MARCHF1: variants seen among roughly 807,000 people sequenced by gnomAD.
MARCHF1 encodes the protein membrane associated ring-CH-type finger 1, also known as E3 ubiquitin-protein ligase MARCHF1.
Under a neutral mutation model 54.2 loss-of-function variants are expected in MARCHF1, and 40 were observed. The ratio of observed to expected loss-of-function variants is 0.74; its 90% CI spans 0.57 to 0.96. MARCHF1 has a LOEUF of 0.96. Among genes scored for constraint, MARCHF1 ranks in the 40% least tolerant of loss-of-function variants. The pLI is 0.00. For synonymous variants in MARCHF1, 236 were observed against 236.3 expected (o/e 1.00, Z 0.01); for missense variants, 586 against 656.5 (o/e 0.89, Z 1.17).
chr4:164,241,285 T>C (rs1345971037), intron 1 of MARCHF1, among the ~76,000 whole-genome samples: 1 of 152,088 alleles, frequency 6.6e-6, no homozygotes. Flanking sequence ...CTCAGAACTC[T>C]TGAGGAAGGG....
At chr4:164,180,939 A>G (rs1730817709) in intron 1 of MARCHF1, among the ~76,000 whole-genome samples, 1 of 152,150 alleles carries the variant, frequency 6.6e-6, no homozygotes, top group Admixed American at 6.6e-5. Context: ...CATTCTAGAC[A>G]ACATTTACCT....
At chr4:163,990,084 C>A (rs1391210406) in intron 2 of MARCHF1, among the ~76,000 whole-genome samples, 1 of 152,176 alleles carries the variant, frequency 6.6e-6, no homozygotes, top group African/African-American at 2.4e-5. Flanking sequence ...ATCTGTACTG[C>A]TGTTGGCAAT....
At chr4:164,255,756 T>TAA (rs1291746520) in intron 1 of MARCHF1, among the ~76,000 whole-genome samples, 1 of 151,942 alleles carries the variant, frequency 6.6e-6, no homozygotes, top group Non-Finnish European at 1.5e-5. Flanking sequence ...CTAAAATATA[T>TAA]AAAGAAAAAG....
At position 163,552,749 on chromosome 4, in the gene MARCHF1, G is replaced by A. The variant is rs575984904; in HGVS notation, c.1192-7006C>T. On this transcript the variant is annotated intron_variant, in intron 8 of 9. Transcript: ENST00000514618. ...ACAAGTGTTTAAGAATGAGGGCTCTGGGGGCCTGGAGCGGTGGCTCAGGCC... is the reference window on the plus strand; with the variant it reads ...ACAAGTGTTTAAGAATGAGGGCTCTAGGGGCCTGGAGCGGTGGCTCAGGCC... Among the ~76,000 whole-genome samples, 3 of 152,230 alleles carry A rather than the reference G, an allele frequency of 2.0e-5. No individual in the cohort carries two copies. In the South Asian group the frequency reaches 6.2e-4, roughly 32 times the overall value.
chr4:164,237,698 C>A (rs1178672509), intron 1 of MARCHF1, among the ~76,000 whole-genome samples: 1 of 151,944 alleles, frequency 6.6e-6, no homozygotes, highest in African/African-American at 2.4e-5. Flanking sequence ...TCTTTCTGCA[C>A]TTAAACGATC....
chr4:163,679,835 C>T (rs890020471), intron 5 of MARCHF1, among the ~76,000 whole-genome samples: 4 of 151,836 alleles, frequency 2.6e-5, no homozygotes, highest in African/African-American at 9.7e-5. Flanking sequence ...CTCCTGACCT[C>T]GTGATCCGCC....
intron 1 of MARCHF1, chr4:164,197,678 G>T (rs1233255479): frequency 1.9e-6 from 3 of 1,612,336 alleles, no homozygotes; most frequent in African/African-American, 1.3e-5. Context: ...GCCCTGTTCC[G>T]CAGCTCTGAA....
rs374343085 is a variant in MARCHF1, at chr4:164,197,238, G to T, written c.-322-85576C>A. On this transcript the variant is annotated intron_variant, in intron 1 of 9. Coordinates refer to ENST00000514618, the MANE Select transcript of MARCHF1 (RefSeq NM_001394959.1). ...CCTCGTCATCCAGGCCCTCCACGTGGTCCTCAATATCTGAGTAAGGGGCCT... is the reference window on the plus strand; with the variant it reads ...CCTCGTCATCCAGGCCCTCCACGTGTTCCTCAATATCTGAGTAAGGGGCCT... The T allele has an allele frequency of 8.1e-6, 13 of 1,610,514 alleles. 1 individual carries two copies. In the South Asian group the frequency reaches 9.9e-5, roughly 12 times the overall value.
At chr4:164,223,427 AGG>A (rs1003401101) in intron 1 of MARCHF1, among the ~76,000 whole-genome samples, 1 of 151,990 alleles carries the variant, frequency 6.6e-6, no homozygotes, top group Non-Finnish European at 1.5e-5. Context: ...TTTTTCAACA[AGG>A]AATTTGAAAG....
At chr4:163,563,498 C>T (rs1465582109) in intron 8 of MARCHF1, among the ~76,000 whole-genome samples, 1 of 152,218 alleles carries the variant, frequency 6.6e-6, no homozygotes, top group African/African-American at 2.4e-5. Flanking sequence ...CCCTGGGAAG[C>T]ATTTTCTAAT....
intron 8 of MARCHF1, among the ~76,000 whole-genome samples, chr4:163,581,357 G>A (rs1740227466): frequency 6.6e-6 from 1 of 152,200 alleles, no homozygotes; most frequent in African/African-American, 2.4e-5. Context: ...TCAGTATGTG[G>A]TGGTCATATC....
chr4:163,970,116 A>G (rs1409080137), intron 3 of MARCHF1, among the ~76,000 whole-genome samples: 1 of 152,228 alleles, frequency 6.6e-6, no homozygotes, highest in African/African-American at 2.4e-5. Flanking sequence ...ACTCTCACAC[A>G]TGATAACTTT....
intron 2 of MARCHF1, among the ~76,000 whole-genome samples, chr4:163,990,206 T>A (rs1752946002): frequency 6.6e-6 from 1 of 152,214 alleles, no homozygotes; most frequent in South Asian, 2.1e-4. Flanking sequence ...TGTTTTCATT[T>A]CAACCTAAAT....
At chr4:163,725,127 G>T (rs528576323) in intron 4 of MARCHF1, among the ~76,000 whole-genome samples, 27 of 152,228 alleles carry the variant, frequency 1.8e-4, no homozygotes, top group Non-Finnish European at 2.9e-4. Flanking sequence ...GGAGCTGTTC[G>T]TATTCAGCCA....
intron 1 of MARCHF1, among the ~76,000 whole-genome samples, chr4:164,181,646 C>T (rs913326172): frequency 6.6e-6 from 1 of 152,118 alleles, no homozygotes; most frequent in Non-Finnish European, 1.5e-5. Context: ...AATTATGATG[C>T]TTCTTCGGGA....
At chr4:164,278,102 G>A (rs1733931197) in intron 1 of MARCHF1, among the ~76,000 whole-genome samples, 1 of 152,172 alleles carries the variant, frequency 6.6e-6, no homozygotes, top group African/African-American at 2.4e-5. Flanking sequence ...CTTGAGCCCA[G>A]AAATTCCAGA....
chr4:164,091,081 T>C (rs915305275), intron 2 of MARCHF1, among the ~76,000 whole-genome samples: 1 of 152,096 alleles, frequency 6.6e-6, no homozygotes, highest in Non-Finnish European at 1.5e-5. Flanking sequence ...GGTACCCAAA[T>C]GGACTGTGAA....
chr4:163,765,263 T>G (rs1032863381), intron 4 of MARCHF1, among the ~76,000 whole-genome samples: 1 of 152,138 alleles, frequency 6.6e-6, no homozygotes, highest in Admixed American at 6.5e-5. Flanking sequence ...ATTTGCTGTA[T>G]AGTCATTATA....
intron 4 of MARCHF1, among the ~76,000 whole-genome samples, chr4:163,782,407 A>T (rs558933597): frequency 5.9e-5 from 9 of 152,256 alleles, no homozygotes; most frequent in Middle Eastern, 3.4e-3. Context: ...GTGGTGGCTC[A>T]TGCCTGTATT....
Sources: allele counts gnomAD v4.1 joint callset (sites outside exome capture counted in the v4.1 genomes callset), GRCh38; gene constraint gnomAD v4.1.1; transcripts MANE v1.5; gene names NCBI Gene and HGNC (gene_info 2026-07-23, HGNC 2026-07-21).